The following SEC61B variants were observed in gnomAD, a reference collection of about 807,000 sequenced individuals.
SEC61B encodes protein transport protein Sec61 subunit beta.
Under a neutral mutation model 12.6 loss-of-function variants are expected in SEC61B, and 7 were observed. That is an observed-to-expected ratio of 0.55 (90% CI 0.32 to 1.04). The LOEUF is 1.04. SEC61B is among the 50% of genes least tolerant of loss of function. The pLI is 0.05. For missense variants in SEC61B, 107 were observed against 130.1 expected, an observed-to-expected ratio of 0.82 and a Z score of 0.86; for synonymous variants, 54 against 50.1, an observed-to-expected ratio of 1.08 and a Z score of -0.33.
chr9:99,225,232 A>G (rs1286554875), intron 2 of SEC61B, among the ~76,000 whole-genome samples: 4 of 152,260 alleles, frequency 2.6e-5, no homozygotes, highest in Non-Finnish European at 2.9e-5. Context: ...GTGGGAGATC[A>G]AACGCAAGGA....
intron 2 of SEC61B, among the ~76,000 whole-genome samples, chr9:99,223,335 A>ACAAAC (rs200362833): frequency 1.3e-5 from 2 of 148,758 alleles, no homozygotes; most frequent in Non-Finnish European, 2.9e-5. Flanking sequence ...AAACAAACAA[A>ACAAAC]AAAAAAAAAC....
At chr9:99,223,473 A>G (rs1009868637) in intron 2 of SEC61B, among the ~76,000 whole-genome samples, 5 of 151,266 alleles carry the variant, frequency 3.3e-5, no homozygotes, top group Non-Finnish European at 7.4e-5. Context: ...GGCTCACTAC[A>G]GCCTTTGCCT....
In SEC61B at chr9:99,222,335, G is replaced by T; in HGVS notation, c.-29G>T. 6.2e-7 allele frequency: 1 copy of T among 1,614,144 alleles called. No homozygotes were observed. The highest frequency in any genetic ancestry group is 8.5e-7 in the Non-Finnish European group (1 of 1,180,024). On this transcript the variant is annotated 5_prime_UTR_variant, in exon 1 of 4. Transcript: ENST00000223641. ...GCTCCGTAACTTTCTATCCGTCCGC[G>T]TCAGCGCCTTGCCACCCTCATCTCC...
intron 3 of SEC61B, among the ~76,000 whole-genome samples, chr9:99,228,765 C>T (rs1023120453): frequency 5.3e-5 from 8 of 152,206 alleles, no homozygotes; most frequent in Admixed American, 1.3e-4. Context: ...CTTTCAATGT[C>T]TGTTGTCTAG....
chr9:99,229,960 GA>G (rs1000787592), intron 3 of SEC61B, among the ~76,000 whole-genome samples: 38 of 151,026 alleles, frequency 2.5e-4, no homozygotes, highest in Middle Eastern at 3.4e-3. Context: ...ATCTTAATTT[GA>G]AAAAAAAAGT....
intron 2 of SEC61B, among the ~76,000 whole-genome samples, chr9:99,225,668 T>C (rs1828885730): frequency 6.6e-6 from 1 of 152,240 alleles, no homozygotes; most frequent in African/African-American, 2.4e-5. Flanking sequence ...TTTACCTAGC[T>C]ACCCCTAGGG....
chr9:99,223,403 T>TC (rs910301039), intron 2 of SEC61B, among the ~76,000 whole-genome samples: 3 of 151,526 alleles, frequency 2.0e-5, no homozygotes, highest in Non-Finnish European at 4.4e-5. Context: ...TTTTCCTTTT[T>TC]TTTTTTTTGG....
rs995074562 is a variant in SEC61B at position 99,222,663 on chromosome 9, G to T, written c.101+20G>T. On this transcript the variant is annotated intron_variant, in intron 2 of 3. Transcript: ENST00000223641. ...GCAGAGGTAAGGAACCCTGCAGTTC[G>T]TTCGCTTCCAGACTCGGAGATAGGA... is the stretch of plus-strand genomic sequence containing the variant. 1.3e-6 allele frequency: 2 copies of T among 1,482,574 alleles called. No individual in the cohort carries two copies. The highest frequency in any genetic ancestry group is 1.8e-6 in the Non-Finnish European group (2 of 1,104,850). The allele number at this position is 1,482,574 out of a possible 1,614,324, so 91.8% of individuals were successfully genotyped here. A position where few individuals can be genotyped will look rare whatever the true frequency, so the allele number is the denominator to read the frequency against.
intron 2 of SEC61B, among the ~76,000 whole-genome samples, chr9:99,226,355 T>G (rs1460133267): frequency 1.3e-5 from 2 of 152,054 alleles, no homozygotes; most frequent in Non-Finnish European, 2.9e-5. Context: ...CGTGGTTGGG[T>G]AAAGGAGGCA....
intron 2 of SEC61B, among the ~76,000 whole-genome samples, chr9:99,226,388 A>G (rs778765697): frequency 1.1e-4 from 16 of 152,230 alleles, no homozygotes; most frequent in Non-Finnish European, 2.2e-4. Context: ...TGGGGAGGAA[A>G]GCAAGAAGAG....
At chr9:99,228,704 AAAT>A (rs1306874592) in intron 3 of SEC61B, among the ~76,000 whole-genome samples, 3 of 152,242 alleles carry the variant, frequency 2.0e-5, no homozygotes, top group Non-Finnish European at 4.4e-5. Flanking sequence ...TGAGGATTCG[AAAT>A]AATAACAGCA....
At chr9:99,227,284 A>C (rs1002952989) in intron 2 of SEC61B, among the ~76,000 whole-genome samples, 1 of 151,298 alleles carries the variant, frequency 6.6e-6, no homozygotes, top group South Asian at 2.1e-4. Flanking sequence ...AAAAAAAAAA[A>C]AAAAAAACAA....
Position 99,222,634 on chromosome 9 carries a change from T to A in SEC61B, c.92T>A (p.Val31Asp). The stretch of plus-strand genomic sequence containing the variant: ...GCCGCCCGGGCGGCGGGATCCACTG[T>A]CCGGCAGAGGTAAGGAACCCTGCAG... ...AVAARAAGST[V>D]RQRKNASCGT... Residue 31 changes from valine (V) to aspartate (D), a missense_variant, in exon 2 of 4, where the codon GTC becomes GAC. Val to Asp is a radical substitution (Grantham distance 152, BLOSUM62 -3). Transcript: ENST00000223641. 1 of 1,545,320 alleles carries A rather than the reference T, an allele frequency of 6.5e-7. No individual in the cohort carries two copies. Among genetic ancestry groups the A allele is most frequent in the Non-Finnish European group, 8.7e-7 (1 of 1,144,780 alleles).
intron 2 of SEC61B, among the ~76,000 whole-genome samples, chr9:99,226,010 T>C (rs1828889764): frequency 6.6e-6 from 1 of 152,264 alleles, no homozygotes; most frequent in Admixed American, 6.5e-5. Flanking sequence ...TATATCTGTG[T>C]GTGTGAAACC....
At chr9:99,228,577 C>G (rs979060459) in intron 3 of SEC61B, among the ~76,000 whole-genome samples, 1 of 152,198 alleles carries the variant, frequency 6.6e-6, no homozygotes, top group Non-Finnish European at 1.5e-5. Flanking sequence ...CCAGGGACCC[C>G]TGTCCCCATG....
Position 99,222,291 on chromosome 9 carries a change from A to C in SEC61B, c.-73A>C. The C allele has an allele frequency of 1.2e-6, 2 of 1,611,624 alleles. No homozygotes were observed. The highest frequency in any genetic ancestry group is 1.7e-6 in the Non-Finnish European group (2 of 1,177,904). Reference sequence around the variant, plus strand: ...GGGCGGGGCCTGAGTCAGTCTCGCCAGCTGCCGGTCTTTCGGGGGCTCCGT... The same window carrying C: ...GGGCGGGGCCTGAGTCAGTCTCGCCCGCTGCCGGTCTTTCGGGGGCTCCGT... On this transcript the variant is annotated 5_prime_UTR_variant, in exon 1 of 4. Transcript: ENST00000223641.
chr9:99,225,877 G>A (rs1001308109), intron 2 of SEC61B, among the ~76,000 whole-genome samples: 1 of 152,170 alleles, frequency 6.6e-6, no homozygotes, highest in African/African-American at 2.4e-5. Context: ...AAGTGCATGC[G>A]TCCAAGTCCT....
chr9:99,226,589 G>A (rs1564228456), intron 2 of SEC61B, among the ~76,000 whole-genome samples: 1 of 152,254 alleles, frequency 6.6e-6, no homozygotes, highest in South Asian at 2.1e-4. Context: ...CTTCTGAGTT[G>A]GTGATACATG....
chr9:99,230,312 G>A (rs1399267042), intron 3 of SEC61B, 25 bp from the exon 4 acceptor site: 1 of 1,454,718 alleles, frequency 6.9e-7, no homozygotes, highest in African/African-American at 1.4e-5. Context: ...CTAAAAGTAA[G>A]CATGCTTTCT....
Sources: allele counts gnomAD v4.1 joint callset (sites outside exome capture counted in the v4.1 genomes callset), GRCh38; gene constraint gnomAD v4.1.1; transcripts MANE v1.5; gene names NCBI Gene and HGNC (gene_info 2026-07-23, HGNC 2026-07-21).